Variants in ZC3H12B observed in about 807,000 individuals in gnomAD.
The protein encoded by ZC3H12B is zinc finger CCCH-type containing 12B.
Under a neutral mutation model 43.9 loss-of-function variants are expected in ZC3H12B, and 7 were observed. That is an observed-to-expected ratio of 0.16 (90% CI 0.09 to 0.30). The LOEUF (loss-of-function observed/expected upper bound fraction) is 0.30, where lower values mean the gene tolerates loss of function less well. Ranked by LOEUF, ZC3H12B falls within the 10% of genes least tolerant of loss-of-function variation. The pLI is 1.00. For missense variants in ZC3H12B, 475 were observed against 670.2 expected (o/e 0.71, Z 3.22); for synonymous variants, 222 against 241.7 (o/e 0.92, Z 0.76).
At chrX:65,229,247 G>T in the ZC3H12B span, among the ~76,000 whole-genome samples, 1 of 111,589 alleles carries the variant, frequency 9.0e-6, no homozygotes, top group African/African-American at 3.3e-5. Context: ...ACAACTATCT[G>T]ATCTTTGACA....
At chrX:65,067,867 A>G in the ZC3H12B span, among the ~76,000 whole-genome samples, 1 of 110,852 alleles carries the variant, frequency 9.0e-6, no homozygotes, top group Admixed American at 9.5e-5. Context: ...TGATGTAGGC[A>G]TTGGAACTAT....
At chrX:65,431,293 A>T (rs772613136) in intron 3 of ZC3H12B, among the ~76,000 whole-genome samples, 13 of 112,489 alleles carry the variant, frequency 1.2e-4, no homozygotes, top group Non-Finnish European at 2.4e-4. Flanking sequence ...TAAGGATGAA[A>T]TACTGCTCCT....
intron 3 of ZC3H12B, among the ~76,000 whole-genome samples, chrX:65,453,145 TA>T (rs1202016283): frequency 9.4e-6 from 1 of 106,894 alleles, no homozygotes; most frequent in Admixed American, 1.0e-4. Flanking sequence ...GGTACTGGTA[TA>T]AAAATAGGCA....
At chrX:65,371,688 G>C (rs1467564396) in intron 2 of ZC3H12B, among the ~76,000 whole-genome samples, 1 of 112,061 alleles carries the variant, frequency 8.9e-6, no homozygotes, top group Non-Finnish European at 1.9e-5. Context: ...CAGAGCTCTA[G>C]ACATTATGAA....
intron 3 of ZC3H12B, chrX:65,408,590 G>A: frequency 8.7e-7 from 1 of 1,152,844 alleles, no homozygotes; most frequent in African/African-American, 1.8e-5. Context: ...ACTGTCTAGT[G>A]CTCTGAGTGG....
chrX:65,056,473 G>GT, the ZC3H12B span, among the ~76,000 whole-genome samples: 7 of 111,394 alleles, frequency 6.3e-5, no homozygotes, highest in Admixed American at 9.6e-5. Flanking sequence ...TATAATTTCT[G>GT]TTTTTTTACA....
chrX:65,407,060 A>G (rs2148059107), intron 3 of ZC3H12B, among the ~76,000 whole-genome samples: 1 of 112,589 alleles, frequency 8.9e-6, no homozygotes, highest in East Asian at 2.8e-4. Flanking sequence ...AAGCACACGA[A>G]GGTGAAGGAA....
chrX:65,117,436 G>T, the ZC3H12B span, among the ~76,000 whole-genome samples: 1 of 111,578 alleles, frequency 9.0e-6, no homozygotes, highest in African/African-American at 3.3e-5. Flanking sequence ...ATTTGTTTAA[G>T]TTTTTTTGTA....
the ZC3H12B span, among the ~76,000 whole-genome samples, chrX:65,342,418 C>G: frequency 8.9e-6 from 1 of 112,034 alleles, no homozygotes; most frequent in Non-Finnish European, 1.9e-5. Context: ...ACATAAAACA[C>G]TCTTTAGCAA....
the ZC3H12B span, among the ~76,000 whole-genome samples, chrX:65,172,136 T>C: frequency 2.7e-5 from 3 of 112,504 alleles, no homozygotes; most frequent in Non-Finnish European, 5.6e-5. Context: ...CTGGAGCTGT[T>C]CCTATTTGGC....
At chrX:65,254,009 C>A in the ZC3H12B span, among the ~76,000 whole-genome samples, 1 of 112,288 alleles carries the variant, frequency 8.9e-6, no homozygotes, top group South Asian at 3.7e-4. Flanking sequence ...CCACTCCACC[C>A]TGCTGCACCA....
the ZC3H12B span, among the ~76,000 whole-genome samples, chrX:65,103,908 G>GA: frequency 1.8e-5 from 2 of 111,646 alleles, no homozygotes; most frequent in African/African-American, 3.3e-5. Flanking sequence ...CACAGAATTA[G>GA]AAAAAACTAC....
chrX:65,357,175 A>T, the ZC3H12B span: 1 of 426,685 alleles, frequency 2.3e-6, no homozygotes, highest in Non-Finnish European at 4.4e-6. Context: ...ACCTCTTTTC[A>T]TTCCCAATCT....
the ZC3H12B span, among the ~76,000 whole-genome samples, chrX:65,135,888 T>C: frequency 9.0e-6 from 1 of 110,552 alleles, no homozygotes; most frequent in African/African-American, 3.3e-5. Context: ...TCCATTTGGT[T>C]CTTCATTATA....
At chrX:65,083,195 C>T in the ZC3H12B span, among the ~76,000 whole-genome samples, 2 of 111,001 alleles carry the variant, frequency 1.8e-5, no homozygotes, top group Non-Finnish European at 3.8e-5. Flanking sequence ...CCTCTAGACT[C>T]GGGAATGCAA....
chrX:65,461,938 A>G (rs2067755775), intron 3 of ZC3H12B, among the ~76,000 whole-genome samples: 2 of 110,697 alleles, frequency 1.8e-5, no homozygotes, highest in African/African-American at 6.5e-5. Context: ...TAAAAATCTT[A>G]GTCATATAAC....
intron 3 of ZC3H12B, among the ~76,000 whole-genome samples, chrX:65,449,938 T>G (rs904428168): frequency 3.6e-5 from 4 of 111,241 alleles, no homozygotes; most frequent in Non-Finnish European, 7.5e-5. Context: ...TGCTAAAATC[T>G]CAGATTTCAC....
the ZC3H12B span, among the ~76,000 whole-genome samples, chrX:65,223,135 A>G: frequency 8.9e-6 from 1 of 111,807 alleles, no homozygotes; most frequent in Non-Finnish European, 1.9e-5. Context: ...TAAAGTAGGG[A>G]AAGGACACCC....
At chrX:65,426,392 CAAAAAAAAAAAAAA>C (rs58910748) in intron 3 of ZC3H12B, among the ~76,000 whole-genome samples, 2 of 42,193 alleles carry the variant, frequency 4.7e-5, no homozygotes, top group East Asian at 2.1e-3. Context: ...TAATTATTTC[CAAAAAAAAAAAAAA>C]AAAAAAAAAA....
Sources: allele counts gnomAD v4.1 joint callset (sites outside exome capture counted in the v4.1 genomes callset), GRCh38; gene constraint gnomAD v4.1.1; transcripts MANE v1.5; gene names NCBI Gene and HGNC (gene_info 2026-07-23, HGNC 2026-07-21).